The following NINL variants were observed in gnomAD, a reference collection of about 807,000 sequenced individuals.
NINL encodes the protein ninein-like protein.
Under a neutral mutation model 160.3 loss-of-function variants are expected in NINL, and 153 were observed. The ratio of observed to expected loss-of-function variants is 0.95; its 90% CI spans 0.84 to 1.09. The LOEUF (loss-of-function observed/expected upper bound fraction) is 1.09, where lower values mean the gene tolerates loss of function less well. Ranked by LOEUF, NINL falls within the 50% of genes least tolerant of loss-of-function variation. NINL has a pLI of 0.00. For synonymous variants in NINL, 800 were observed against 734.8 expected (o/e 1.09, Z -1.43); for missense variants, 1,829 against 1,764.0 (o/e 1.04, Z -0.66).
intron 2 of NINL, among the ~76,000 whole-genome samples, chr20:25,523,248 G>A (rs778984018): frequency 1.7e-4 from 25 of 150,396 alleles, no homozygotes; most frequent in Admixed American, 3.3e-4. Flanking sequence ...ATATATATAT[G>A]AGAGAATATA....
chr20:25,513,626 TG>T (rs1349308015), intron 3 of NINL, among the ~76,000 whole-genome samples: 1 of 152,248 alleles, frequency 6.6e-6, no homozygotes, highest in Non-Finnish European at 1.5e-5. Context: ...CATGTCAAAT[TG>T]TAACCCTCAG....
intron 1 of NINL, among the ~76,000 whole-genome samples, chr20:25,568,076 G>A (rs2065014448): frequency 6.6e-6 from 1 of 151,202 alleles, no homozygotes; most frequent in South Asian, 2.1e-4. Context: ...TAACAAAGAG[G>A]GGAAATCAAT....
intron 1 of NINL, among the ~76,000 whole-genome samples, chr20:25,542,994 C>T (rs1363178596): frequency 6.9e-6 from 1 of 145,106 alleles, no homozygotes; most frequent in Non-Finnish European, 1.5e-5. Flanking sequence ...GAGCCAAGAT[C>T]GCACCACTGC....
chr20:25,554,883 A>G (rs2064849607), intron 1 of NINL, among the ~76,000 whole-genome samples: 1 of 152,212 alleles, frequency 6.6e-6, no homozygotes, highest in African/African-American at 2.4e-5. Context: ...CCGCTTTGGC[A>G]GTATGTGCCA....
At chr20:25,571,058 T>C (rs548887498) in intron 1 of NINL, among the ~76,000 whole-genome samples, 47 of 152,162 alleles carry the variant, frequency 3.1e-4, no homozygotes, top group African/African-American at 1.1e-3. Context: ...TAAGTAGGTG[T>C]TGTCACCATG....
chr20:25,470,852 G>A (rs2063077478), intron 17 of NINL, among the ~76,000 whole-genome samples: 1 of 152,136 alleles, frequency 6.6e-6, no homozygotes, highest in African/African-American at 2.4e-5. Context: ...AAGATCACCA[G>A]TGAAGTAGCT....
At chr20:25,493,719 T>A (rs1028895094) in intron 10 of NINL, among the ~76,000 whole-genome samples, 1 of 151,894 alleles carries the variant, frequency 6.6e-6, no homozygotes, top group Non-Finnish European at 1.5e-5. Context: ...TGGCCCAGAA[T>A]AGTTCAGCTG....
Position 25,453,315 on chromosome 20 carries a change from A to C in NINL, c.*136T>G. ...GCCCAGGGCAGACCATTCATTAACT[A>C]TCTGCGGGGTGAACAAAGAATCCCA... On this transcript the variant is annotated 3_prime_UTR_variant, in exon 24 of 24. Coordinates refer to ENST00000278886, the MANE Select transcript of NINL (RefSeq NM_025176.6). 1 of 732,994 alleles carries C rather than the reference A, an allele frequency of 1.4e-6. No individual in the cohort carries two copies. Among genetic ancestry groups the C allele is most frequent in the Non-Finnish European group, 2.2e-6 (1 of 462,588 alleles). The allele number at this position is 732,994 out of a possible 1,614,324, so 45.4% of individuals were successfully genotyped here.
At chr20:25,577,592 A>C (rs927634029) in intron 1 of NINL, among the ~76,000 whole-genome samples, 4 of 152,190 alleles carry the variant, frequency 2.6e-5, no homozygotes, top group Non-Finnish European at 5.9e-5. Context: ...TTGAAACGAA[A>C]ACTCCAAGTT....
chr20:25,473,532 A>ATAAAAT (rs2063157245), intron 17 of NINL, among the ~76,000 whole-genome samples: 2 of 151,338 alleles, frequency 1.3e-5, no homozygotes, highest in African/African-American at 2.4e-5. Flanking sequence ...ATAAAATAAA[A>ATAAAAT]CAAAGTGGCC....
chr20:25,459,447 G>T (rs1026080687), intron 21 of NINL, among the ~76,000 whole-genome samples: 7 of 152,150 alleles, frequency 4.6e-5, no homozygotes, highest in African/African-American at 9.7e-5. Context: ...CATTTTCCAG[G>T]CCCTGGAAGG....
intron 17 of NINL, among the ~76,000 whole-genome samples, chr20:25,473,509 A>G (rs1480683898): frequency 6.7e-6 from 1 of 149,916 alleles, no homozygotes; most frequent in Non-Finnish European, 1.5e-5. Flanking sequence ...AAAATAAAAT[A>G]AAATAAAATA....
intron 2 of NINL, among the ~76,000 whole-genome samples, chr20:25,524,931 G>A (rs403152): frequency 0.45 from 66,310 of 146,012 alleles, 15,688 homozygotes; most frequent in East Asian, 0.91. Flanking sequence ...ATATGTGTGT[G>A]TATATATATA....
At chr20:25,491,263 G>C (rs892734484) in intron 11 of NINL, 88 bp downstream of exon 11, 18 of 1,455,010 alleles carry the variant, frequency 1.2e-5, no homozygotes, top group Admixed American at 1.9e-5. Flanking sequence ...TGGCAGGTGT[G>C]GATCTGGATC....
chr20:25,565,598 G>C (rs1293364762), intron 1 of NINL, among the ~76,000 whole-genome samples: 1 of 152,172 alleles, frequency 6.6e-6, no homozygotes, highest in Non-Finnish European at 1.5e-5. Context: ...TTACAATGGA[G>C]GGGCAAGATA....
intron 16 of NINL, 35 bp from the exon 17 acceptor site, chr20:25,477,124 G>A: frequency 6.6e-7 from 1 of 1,519,398 alleles, no homozygotes; most frequent in Non-Finnish European, 8.8e-7. Context: ...CCACAGCCCT[G>A]CCGCCCCCAG....
intron 1 of NINL, among the ~76,000 whole-genome samples, chr20:25,577,680 C>G (rs2095994997): frequency 6.6e-6 from 1 of 152,186 alleles, no homozygotes; most frequent in African/African-American, 2.4e-5. Context: ...TAAGGGGAAC[C>G]TGGAGGTCCT....
chr20:25,515,990 G>T (rs1452712811), intron 3 of NINL, among the ~76,000 whole-genome samples: 3 of 151,972 alleles, frequency 2.0e-5, no homozygotes, highest in African/African-American at 7.3e-5. Flanking sequence ...TTACCAGGAT[G>T]GTCTCGATCT....
intron 1 of NINL, among the ~76,000 whole-genome samples, chr20:25,576,252 G>A (rs1450477121): frequency 6.6e-6 from 1 of 152,114 alleles, no homozygotes; most frequent in Non-Finnish European, 1.5e-5. Context: ...GCGTTATGTA[G>A]AATGTCCCAG....
Sources: gnomAD v4.1 joint callset for allele counts (sites outside exome capture counted in the v4.1 genomes callset) on GRCh38, gnomAD v4.1.1 for gene constraint, MANE v1.5 for transcripts, NCBI Gene and HGNC (gene_info 2026-07-23, HGNC 2026-07-21) for gene names.